The following FOXO1 variants were observed in gnomAD, a reference collection of about 807,000 sequenced individuals.
FOXO1 encodes the protein forkhead box O1.
Under a neutral mutation model 44.1 loss-of-function variants are expected in FOXO1, and 6 were observed. That is an observed-to-expected ratio of 0.14 (90% confidence interval 0.07 to 0.27). The LOEUF is 0.27. Ranked by LOEUF, FOXO1 falls within the 10% of genes least tolerant of loss-of-function variation. The pLI, the probability that FOXO1 is intolerant of heterozygous loss-of-function variation, is 1.00. For missense variants in FOXO1, 737 were observed against 888.8 expected (o/e 0.83, Z 2.17); for synonymous variants, 380 against 362.7 (o/e 1.05, Z -0.54).
At chr13:40,571,194 G>C (rs1171661793) in intron 1 of FOXO1, among the ~76,000 whole-genome samples, 5 of 151,722 alleles carry the variant, frequency 3.3e-5, no homozygotes, top group Non-Finnish European at 7.4e-5. Context: ...GTAGGCGGAA[G>C]GGGAACATCA....
intron 1 of FOXO1, among the ~76,000 whole-genome samples, chr13:40,590,862 C>G (rs1158488166): frequency 4.6e-5 from 7 of 152,136 alleles, no homozygotes; most frequent in African/African-American, 1.7e-4. Flanking sequence ...AAATTGTTCA[C>G]ATCACAATGT....
chr13:40,665,375 C>A (rs1367330304), intron 1 of FOXO1, among the ~76,000 whole-genome samples: 1 of 152,218 alleles, frequency 6.6e-6, no homozygotes, highest in Non-Finnish European at 1.5e-5. Context: ...CCGCGTCCCA[C>A]GCGAACTCCT....
At chr13:40,599,553 T>C (rs536282123) in intron 1 of FOXO1, among the ~76,000 whole-genome samples, 1 of 152,338 alleles carries the variant, frequency 6.6e-6, no homozygotes, top group Admixed American at 6.5e-5. Context: ...ATGTTCGTTT[T>C]GTTTATTGAA....
chr13:40,592,030 C>T (rs577397885), intron 1 of FOXO1, among the ~76,000 whole-genome samples: 1 of 152,328 alleles, frequency 6.6e-6, no homozygotes, highest in South Asian at 2.1e-4. Context: ...TTTGTTTCTA[C>T]AGCTCCATAA....
chr13:40,660,616 G>A lies in FOXO1; in HGVS notation c.630+4967C>T, dbSNP rs567321190. ...ATATTCTTCCCCCTCATCCCATTTC[G>A]TATCGCCTCGGAGAAGATTCCTTGT... On this transcript the variant is annotated intron_variant, in intron 1 of 2. Coordinates refer to ENST00000379561, the MANE Select transcript of FOXO1 (RefSeq NM_002015.4). 1.5e-4 allele frequency among the ~76,000 whole-genome samples: 23 copies of A among 152,262 alleles called. No individual in the cohort carries two copies. The East Asian group carries it at 3.9e-3, about 26-fold the overall frequency.
chr13:40,580,475 C>T lies in FOXO1; in HGVS notation c.631-19615G>A, dbSNP rs187869940. Among the ~76,000 whole-genome samples the T allele has an allele frequency of 3.3e-3, 503 of 152,256 alleles. 4 individuals carry two copies. The highest frequency in any genetic ancestry group is 0.017 in the Middle Eastern group (5 of 294). On this transcript the variant is annotated intron_variant, in intron 1 of 2. Coordinates refer to ENST00000379561, the MANE Select transcript of FOXO1 (RefSeq NM_002015.4). ...GCACTTAGCAAATGTGAGACCTTGG[C>T]TGAGTCACTTTACCTCTCCAGGCTT... is the stretch of plus-strand genomic sequence containing the variant.
At chr13:40,577,339 T>C (rs1874794121) in intron 1 of FOXO1, among the ~76,000 whole-genome samples, 1 of 152,218 alleles carries the variant, frequency 6.6e-6, no homozygotes, top group Non-Finnish European at 1.5e-5. Flanking sequence ...CATCCTCCTT[T>C]CTTCTTCCAC....
intron 1 of FOXO1, among the ~76,000 whole-genome samples, chr13:40,563,077 C>A (rs768767893): frequency 1.3e-5 from 2 of 152,232 alleles, no homozygotes; most frequent in African/African-American, 2.4e-5. Flanking sequence ...ATGCAAGGCT[C>A]AGCTGACCAT....
At chr13:40,611,662 A>G (rs369932076) in intron 1 of FOXO1, among the ~76,000 whole-genome samples, 30 of 152,338 alleles carry the variant, frequency 2.0e-4, no homozygotes, top group African/African-American at 7.2e-4. Flanking sequence ...GAACACATCT[A>G]AAACACACGG....
chr13:40,556,878 G>A lies in FOXO1; in HGVS notation c.*2171C>T, dbSNP rs896987374. On this transcript the variant is annotated 3_prime_UTR_variant, in exon 3 of 3. Transcript: ENST00000379561. Reference sequence around the variant, plus strand: ...CACGGGAGGAAAGTGACAGTACGTAGTAATAGAAATTAGTACACAAGTACT... The same window carrying A: ...CACGGGAGGAAAGTGACAGTACGTAATAATAGAAATTAGTACACAAGTACT... The A allele has an allele frequency of 1.3e-5, 2 of 152,176 alleles. No individual in the cohort carries two copies. Among genetic ancestry groups the A allele is most frequent in the African/African-American group, 4.8e-5 (2 of 41,446 alleles). 9.4% of individuals were successfully genotyped at this position (152,176 alleles called of 1,614,324 possible).
At chr13:40,584,469 CAAAAA>C (rs55733141) in intron 1 of FOXO1, among the ~76,000 whole-genome samples, 3,150 of 62,172 alleles carry the variant, frequency 0.051, 21 homozygotes, top group East Asian at 0.1. Context: ...ACAAAAAATG[CAAAAA>C]AAAAAAAAAA....
At chr13:40,561,395 G>A (rs1008300358) in intron 1 of FOXO1, among the ~76,000 whole-genome samples, 1 of 151,304 alleles carries the variant, frequency 6.6e-6, no homozygotes, top group African/African-American at 2.4e-5. Flanking sequence ...TTAATGAAGG[G>A]ACAAAATTTA....
intron 1 of FOXO1, among the ~76,000 whole-genome samples, chr13:40,612,211 A>C (rs1158965722): frequency 1.3e-5 from 2 of 152,236 alleles, no homozygotes; most frequent in Admixed American, 6.5e-5. Flanking sequence ...CTCAAGGGTT[A>C]CAGTTATCCA....
chr13:40,664,235 G>T (rs1053821340), intron 1 of FOXO1, among the ~76,000 whole-genome samples: 30 of 152,128 alleles, frequency 2.0e-4, no homozygotes, highest in Admixed American at 3.3e-4. Context: ...ATCGCGCCAC[G>T]GTACTCCAGC....
At chr13:40,625,516 T>C (rs868198106) in intron 1 of FOXO1, among the ~76,000 whole-genome samples, 6 of 152,178 alleles carry the variant, frequency 3.9e-5, no homozygotes, top group Non-Finnish European at 1.5e-5. Context: ...TGTGGCCCGG[T>C]AGAAAATTCT....
At chr13:40,603,353 CAAAAA>C (rs60741629) in intron 1 of FOXO1, among the ~76,000 whole-genome samples, 2 of 73,944 alleles carry the variant, frequency 2.7e-5, no homozygotes, top group South Asian at 4.2e-4. Context: ...CAGATGAATC[CAAAAA>C]AAAAAAAAAA....
At chr13:40,619,708 A>C in intron 1 of FOXO1, 1 of 1,135,576 alleles carries the variant, frequency 8.8e-7, no homozygotes, top group Non-Finnish European at 1.3e-6. Flanking sequence ...TTCAAGGGGG[A>C]AAAATTCAGC....
chr13:40,665,234 C>T (rs192622973), intron 1 of FOXO1, among the ~76,000 whole-genome samples: 97 of 152,176 alleles, frequency 6.4e-4, no homozygotes, highest in African/African-American at 2.3e-3. Context: ...GCAGCCGAAG[C>T]AGTCGGCGCG....
intron 1 of FOXO1, among the ~76,000 whole-genome samples, chr13:40,641,454 T>C (rs1230135226): frequency 6.6e-6 from 1 of 151,792 alleles, no homozygotes; most frequent in Non-Finnish European, 1.5e-5. Flanking sequence ...TTTTCATCTT[T>C]AAGAGTCTAG....
Sources: allele counts gnomAD v4.1 joint callset (sites outside exome capture counted in the v4.1 genomes callset), GRCh38; gene constraint gnomAD v4.1.1; transcripts MANE v1.5; gene names NCBI Gene and HGNC (gene_info 2026-07-23, HGNC 2026-07-21).